The following ITGA1 variants were observed in gnomAD, a reference collection of about 807,000 sequenced individuals.
The protein encoded by ITGA1 is integrin subunit alpha 1.
In ITGA1, 85 loss-of-function variants were observed where a neutral mutation model predicts 145.9. That is an observed-to-expected ratio of 0.58 (90% CI 0.49 to 0.70). ITGA1 has a LOEUF of 0.70. Among genes scored for constraint, ITGA1 ranks in the 30% least tolerant of loss-of-function variants. The pLI is 0.00. For synonymous variants in ITGA1, 520 were observed against 495.3 expected, an observed-to-expected ratio of 1.05 and a Z score of -0.66; for missense variants, 1,351 against 1,418.7, an observed-to-expected ratio of 0.95 and a Z score of 0.77.
rs753843200 is a variant in ITGA1, at chr5:52,898,366, C to A, written c.1292C>A (p.Pro431Gln). The change falls in exon 11 of 29, where the codon CCG (proline) becomes CAG (glutamine). Residue 431 changes from proline to glutamine, a missense_variant. Physicochemically the swap from Pro to Gln is moderately conservative, Grantham distance 76 (BLOSUM62 -1). Transcript: ENST00000282588. ...GTTGAGTCTACCAAAAAGAATGAACCGCTTGCTTCTTATTTAGGTAAGGTT... is the reference window on the plus strand; with the variant it reads ...GTTGAGTCTACCAAAAAGAATGAACAGCTTGCTTCTTATTTAGGTAAGGTT... ...FNVESTKKNE[P>Q]LASYLGYTVN... 2.5e-6 allele frequency: 4 copies of A among 1,596,268 alleles called. No homozygotes were observed. Among genetic ancestry groups the A allele is most frequent in the East Asian group, 2.2e-5 (1 of 44,688 alleles).
chr5:52,903,474 A>C (rs1459905906), intron 11 of ITGA1: 1 of 152,214 alleles, frequency 6.6e-6, no homozygotes, highest in Non-Finnish European at 1.5e-5. Flanking sequence ...CCCTCAAAGA[A>C]AGATGAAGGA....
At position 52,842,024 on chromosome 5, in the gene ITGA1, G is replaced by A. The variant is rs186064598; in HGVS notation, c.62-7341G>A. On this transcript the variant is annotated intron_variant, in intron 1 of 28. Coordinates refer to ENST00000282588, the MANE Select transcript of ITGA1 (RefSeq NM_181501.2). ...TCTGATTCTCAGGTGGTTCAGGTCG[G>A]TGAATTCCTTAGTAGAATATTAATA... Among the ~76,000 whole-genome samples, 9 of 152,274 alleles carry A rather than the reference G, an allele frequency of 5.9e-5. No individual in the cohort carries two copies. The East Asian group carries it at 1.7e-3, about 29-fold the overall frequency.
intron 2 of ITGA1, among the ~76,000 whole-genome samples, chr5:52,856,952 C>A (rs923885670): frequency 1.3e-5 from 2 of 152,136 alleles, no homozygotes; most frequent in African/African-American, 4.8e-5. Context: ...AGCTAAAGCA[C>A]CAATTCTGTT....
chr5:52,805,749 TC>T (rs1748579273), intron 1 of ITGA1, among the ~76,000 whole-genome samples: 1 of 152,208 alleles, frequency 6.6e-6, no homozygotes, highest in African/African-American at 2.4e-5. Context: ...GGCCTTGTGC[TC>T]CCCATCTTAA....
chr5:52,939,778 TA>T, intron 25 of ITGA1, 61 bp from the exon 26 acceptor site: 1 of 1,440,192 alleles, frequency 6.9e-7, no homozygotes, highest in Non-Finnish European at 9.8e-7. Flanking sequence ...CTGAAGAATT[TA>T]AATATAGATA....
At chr5:52,886,877 C>G (rs1750060117) in intron 7 of ITGA1, among the ~76,000 whole-genome samples, 1 of 152,148 alleles carries the variant, frequency 6.6e-6, no homozygotes, top group South Asian at 2.1e-4. Context: ...CTCCCGGGTT[C>G]ACGCCATTCT....
intron 6 of ITGA1, among the ~76,000 whole-genome samples, chr5:52,870,615 CT>C (rs1749763212): frequency 6.6e-6 from 1 of 152,178 alleles, no homozygotes. Context: ...GCTGTTATGT[CT>C]AGCTGCTGAC....
At position 52,920,446 on chromosome 5, in the gene ITGA1, C is replaced by T. The variant is rs1261780901; in HGVS notation, c.2270C>T (p.Thr757Ile). 3.7e-6 allele frequency: 6 copies of T among 1,605,008 alleles called. No individual in the cohort carries two copies. The highest frequency in any genetic ancestry group is 5.1e-6 in the Non-Finnish European group (6 of 1,176,826). ...RNITVRKSEC[T>I]KHSFYMLDKH... ...ATCACAGTTCGAAAATCAGAATGCA[C>T]TAAGCACTCCTTCTACATGTTGGCA... The change falls in exon 17 of 29, where the codon ACT becomes ATT. Residue 757 changes from threonine to isoleucine, a missense_variant. Thr to Ile is a moderately conservative substitution (Grantham distance 89). Transcript: ENST00000282588.
At chr5:52,933,581 C>G (rs1750922632) in intron 22 of ITGA1, 1 of 163,470 alleles carries the variant, frequency 6.1e-6, no homozygotes, top group East Asian at 1.7e-4. Flanking sequence ...TTTCATTTTT[C>G]ACTAGGTATA....
chr5:52,949,200 A>C (rs1369378655), intron 28 of ITGA1, among the ~76,000 whole-genome samples: 1 of 152,154 alleles, frequency 6.6e-6, no homozygotes, highest in Non-Finnish European at 1.5e-5. Context: ...GCTCTTATCG[A>C]ATGCTTACTA....
intron 6 of ITGA1, among the ~76,000 whole-genome samples, chr5:52,868,202 ATATTT>A (rs1422546518): frequency 2.0e-5 from 3 of 152,198 alleles, no homozygotes; most frequent in African/African-American, 4.8e-5. Flanking sequence ...AGCCATCTAA[ATATTT>A]TATTTTACCT....
intron 14 of ITGA1, 33 bp downstream of exon 14, chr5:52,910,452 C>T: frequency 3.1e-6 from 5 of 1,597,482 alleles, no homozygotes; most frequent in Non-Finnish European, 4.3e-6. Flanking sequence ...TCCCACCCTT[C>T]AGTGATAAGT....
At chr5:52,802,837 T>G (rs1748515727) in intron 1 of ITGA1, 1 of 152,224 alleles carries the variant, frequency 6.6e-6, no homozygotes, top group South Asian at 2.1e-4. Flanking sequence ...ATGTGGCAGT[T>G]GACTTAAACT....
intron 14 of ITGA1, among the ~76,000 whole-genome samples, chr5:52,911,023 AGTAT>A (rs1750509449): frequency 3.0e-5 from 3 of 101,454 alleles, no homozygotes; most frequent in East Asian, 2.5e-4. Flanking sequence ...TACTATATAT[AGTAT>A]GTATACTGTA....
At chr5:52,808,676 C>CTTTTTTTTTTTTTTTTTTTTTTTTTTT (rs60113844) in intron 1 of ITGA1, among the ~76,000 whole-genome samples, 13 of 69,336 alleles carry the variant, frequency 1.9e-4, no homozygotes, top group Non-Finnish European at 2.3e-4. Context: ...TTCTTTCTTT[C>CTTTTTTTTTTTTTTTTTTTTTTTTTTT]TTTTTTTTTT....
At chr5:52,834,313 G>T (rs578039248) in intron 1 of ITGA1, among the ~76,000 whole-genome samples, 1 of 152,220 alleles carries the variant, frequency 6.6e-6, no homozygotes, top group Non-Finnish European at 1.5e-5. Context: ...GAAGCTAGAA[G>T]GCCAAAATCA....
At chr5:52,933,600 T>C (rs551723827) in intron 22 of ITGA1, 8 of 178,990 alleles carry the variant, frequency 4.5e-5, no homozygotes, top group Admixed American at 3.7e-4. Flanking sequence ...TAAATGGTAT[T>C]AGTGAATTTA....
Position 52,882,024 on chromosome 5 carries a change from A to G in ITGA1, c.773+3A>G, listed in dbSNP as rs1749968973. On this transcript the variant is annotated splice_donor_region_variant and intron_variant, in intron 7 of 28. Transcript: ENST00000282588. ...GCTCTTGGAATAGACACAGCAAGGT[A>G]TATGGATAAAAAAATAAACTAAAGT... 6.4e-7 allele frequency: 1 copy of G among 1,568,166 alleles called. No individual in the cohort carries two copies. The highest frequency in any genetic ancestry group is 8.6e-7 in the Non-Finnish European group (1 of 1,157,044).
intron 1 of ITGA1, among the ~76,000 whole-genome samples, chr5:52,832,156 C>A (rs551864658): frequency 7.2e-5 from 11 of 152,272 alleles, no homozygotes; most frequent in Admixed American, 7.2e-4. Flanking sequence ...TGGAGAGAAT[C>A]AGACCCATGT....
Sources: gnomAD v4.1 joint callset for allele counts (sites outside exome capture counted in the v4.1 genomes callset) on GRCh38, gnomAD v4.1.1 for gene constraint, MANE v1.5 for transcripts, NCBI Gene and HGNC (gene_info 2026-07-23, HGNC 2026-07-21) for gene names.